SCLT1: variants seen among roughly 807,000 people sequenced by gnomAD.
SCLT1 encodes the protein sodium channel and clathrin linker 1.
SCLT1 carries 78 observed loss-of-function variants against 112.8 expected under a neutral mutation model. The ratio of observed to expected loss-of-function variants is 0.69; its 90% CI spans 0.58 to 0.83. The LOEUF is 0.83. Among genes scored for constraint, SCLT1 ranks in the 40% least tolerant of loss-of-function variants. SCLT1 has a pLI of 0.00. For synonymous variants in SCLT1, 257 were observed against 254.7 expected (o/e 1.01, Z -0.09); for missense variants, 747 against 770.4 (o/e 0.97, Z 0.36).
intron 18 of SCLT1, among the ~76,000 whole-genome samples, chr4:128,923,684 T>C (rs1040399304): frequency 9.9e-5 from 15 of 152,084 alleles, no homozygotes; most frequent in African/African-American, 2.7e-4. Context: ...TGTTGTTGAG[T>C]GTATCAGTGG....
intron 5 of SCLT1, among the ~76,000 whole-genome samples, chr4:129,031,945 A>C (rs1279831972): frequency 6.6e-6 from 1 of 152,184 alleles, no homozygotes; most frequent in South Asian, 2.1e-4. Flanking sequence ...AGAATTAGAA[A>C]AAACACTTTA....
chr4:129,091,522 A>G (rs900645385), intron 1 of SCLT1, among the ~76,000 whole-genome samples: 4 of 152,026 alleles, frequency 2.6e-5, no homozygotes, highest in African/African-American at 7.2e-5. Context: ...GACTCTAGCC[A>G]AACTCCTCAT....
At chr4:129,050,130 A>G (rs1182073163) in intron 2 of SCLT1, among the ~76,000 whole-genome samples, 4 of 152,162 alleles carry the variant, frequency 2.6e-5, no homozygotes, top group African/African-American at 9.7e-5. Context: ...TTCTTTATCC[A>G]GTCTATCATT....
intron 9 of SCLT1, among the ~76,000 whole-genome samples, chr4:128,979,654 C>G (rs758631069): frequency 6.6e-6 from 1 of 152,148 alleles, no homozygotes; most frequent in Non-Finnish European, 1.5e-5. Context: ...GACTTCAAAG[C>G]CTATGTTTTT....
At chr4:128,888,846 G>A (rs947953111) in intron 19 of SCLT1, 72 bp from the exon 20 acceptor site, 12 of 813,092 alleles carry the variant, frequency 1.5e-5, no homozygotes, top group Admixed American at 2.2e-5. Context: ...AATAATCAAC[G>A]AAAAATCTGG....
intron 5 of SCLT1, among the ~76,000 whole-genome samples, chr4:129,024,099 C>A (rs1270569235): frequency 6.6e-6 from 1 of 152,214 alleles, no homozygotes; most frequent in East Asian, 1.9e-4. Context: ...GTAGGCTCCA[C>A]CTCTGGGGGC....
At chr4:128,937,456 T>C (rs1047269390) in intron 17 of SCLT1, among the ~76,000 whole-genome samples, 5 of 152,202 alleles carry the variant, frequency 3.3e-5, no homozygotes, top group African/African-American at 1.2e-4. Flanking sequence ...TATTATAACA[T>C]AACACTTCTC....
At chr4:128,957,183 AG>A in intron 12 of SCLT1, 59 bp from the exon 13 acceptor site, 1 of 1,047,962 alleles carries the variant, frequency 9.5e-7, no homozygotes, top group Non-Finnish European at 1.4e-6. Flanking sequence ...AGATAATAAC[AG>A]GTGAAAACCT....
At chr4:129,069,792 T>C (rs986412650) in intron 2 of SCLT1, among the ~76,000 whole-genome samples, 2 of 152,166 alleles carry the variant, frequency 1.3e-5, no homozygotes, top group East Asian at 3.9e-4. Context: ...CAGTATGATG[T>C]TGAAGAGGAG....
At chr4:129,008,253 T>G (rs546814331) in intron 5 of SCLT1, among the ~76,000 whole-genome samples, 3 of 152,336 alleles carry the variant, frequency 2.0e-5, no homozygotes, top group African/African-American at 7.2e-5. Context: ...TCTGAAAATG[T>G]ACTTATTTAA....
intron 5 of SCLT1, among the ~76,000 whole-genome samples, chr4:129,020,805 T>G (rs1745404109): frequency 6.6e-6 from 1 of 152,252 alleles, no homozygotes; most frequent in African/African-American, 2.4e-5. Context: ...TTTTAATACA[T>G]GAAATCATTC....
chr4:129,082,982 G>A lies in SCLT1; in HGVS notation c.35-609C>T, dbSNP rs372987327. On this transcript the variant is annotated intron_variant, in intron 1 of 20. Transcript: ENST00000281142. ...CGAGGCAGATGGATCACTTGAGGTC[G>A]GGAGTTCGAGACCACCCTGGCCAAC... 7.9e-5 allele frequency among the ~76,000 whole-genome samples: 12 copies of A among 151,766 alleles called. 1 individual carries two copies. Among genetic ancestry groups the A allele is most frequent in the Middle Eastern group, 6.8e-3 (2 of 292 alleles).
intron 9 of SCLT1, among the ~76,000 whole-genome samples, chr4:128,982,881 C>T (rs1035867265): frequency 2.6e-5 from 4 of 151,888 alleles, no homozygotes; most frequent in African/African-American, 9.7e-5. Flanking sequence ...AAATGCTTTA[C>T]TTAGTCTTTT....
At chr4:129,009,533 A>AG (rs976787837) in intron 5 of SCLT1, among the ~76,000 whole-genome samples, 13 of 151,954 alleles carry the variant, frequency 8.6e-5, no homozygotes, top group African/African-American at 2.9e-4. Context: ...AAAAAAAAAA[A>AG]AAGAATCCAA....
At chr4:129,038,585 G>A (rs570298745) in intron 5 of SCLT1, among the ~76,000 whole-genome samples, 1 of 152,142 alleles carries the variant, frequency 6.6e-6, no homozygotes, top group Admixed American at 6.5e-5. Context: ...CAGAGAGAAA[G>A]AGAAGGATGG....
chr4:129,047,855 T>C (rs1040889387), intron 2 of SCLT1, among the ~76,000 whole-genome samples: 1 of 152,182 alleles, frequency 6.6e-6, no homozygotes, highest in Non-Finnish European at 1.5e-5. Flanking sequence ...TGTTGAATTG[T>C]TTGAGTTCCT....
chr4:128,914,081 T>C (rs1052454152), intron 18 of SCLT1, among the ~76,000 whole-genome samples: 1 of 152,048 alleles, frequency 6.6e-6, no homozygotes, highest in South Asian at 2.1e-4. Flanking sequence ...AAACTAGTAA[T>C]ATTGCCGGGC....
chr4:128,960,377 T>C (rs72683678), intron 11 of SCLT1, among the ~76,000 whole-genome samples: 3 of 152,266 alleles, frequency 2.0e-5, no homozygotes, highest in Non-Finnish European at 2.9e-5. Flanking sequence ...AATCATAGTA[T>C]ACACCCTTTT....
rs527922544 is a variant in SCLT1, at chr4:128,916,378, T to C, written c.1829+20277A>G. ...CATTAAACCAAATTGATTTGTTACT[T>C]TTTTTTGTTCTGAAAACAATGGGAA... On this transcript the variant is annotated intron_variant, in intron 18 of 20. Transcript: ENST00000281142. Among the ~76,000 whole-genome samples the C allele has an allele frequency of 3.8e-4, 58 of 152,280 alleles. No individual in the cohort carries two copies. The South Asian group carries it at 5.0e-3, about 13-fold the overall frequency.
Sources: allele counts gnomAD v4.1 joint callset (sites outside exome capture counted in the v4.1 genomes callset), GRCh38; gene constraint gnomAD v4.1.1; transcripts MANE v1.5; gene names NCBI Gene and HGNC (gene_info 2026-07-23, HGNC 2026-07-21).